Variants in DDX46 observed in about 807,000 individuals in gnomAD.
DDX46 encodes the protein DEAD-box helicase 46.
Under a neutral mutation model 134.9 loss-of-function variants are expected in DDX46, and 30 were observed. The ratio of observed to expected loss-of-function variants is 0.22; its 90% CI spans 0.17 to 0.30. The LOEUF is 0.30. Ranked by LOEUF, DDX46 falls within the 10% of genes least tolerant of loss-of-function variation. DDX46 has a pLI of 1.00. For synonymous variants in DDX46, 415 were observed against 404.1 expected (o/e 1.03, Z -0.32); for missense variants, 622 against 1,248.7 (o/e 0.50, Z 7.56).
Position 134,788,598 on chromosome 5 carries a change from CAG to C in DDX46, c.1543+8_1543+9del, listed in dbSNP as rs766130768. The C allele has an allele frequency of 1.2e-5, 20 of 1,611,342 alleles. No homozygotes were observed. In the East Asian group the frequency reaches 1.3e-4, roughly 11 times the overall value. ...ATGTTAGCCGCTAACAGTGGTAAGTCAGGGGTATTTTTTTGGTGTCTTTTATT... is the reference window on the plus strand; with the variant it reads ...ATGTTAGCCGCTAACAGTGGTAAGTCGGGTATTTTTTTGGTGTCTTTTATT... On this transcript the variant is annotated splice_region_variant and intron_variant, in intron 12 of 22. Coordinates refer to ENST00000452510, the MANE Select transcript of DDX46 (RefSeq NM_001300860.2).
intron 15 of DDX46, among the ~76,000 whole-genome samples, chr5:134,801,197 C>T (rs1327364059): frequency 6.6e-6 from 1 of 151,958 alleles, no homozygotes; most frequent in Non-Finnish European, 1.5e-5. Context: ...ATTGTTTAAG[C>T]CTGGGAGGCG....
chr5:134,766,917 A>G lies in DDX46; in HGVS notation c.207A>G (p.Arg69=), dbSNP rs1355698636. The G allele has an allele frequency of 1.9e-6, 3 of 1,610,406 alleles. No homozygotes were observed. The highest frequency in any genetic ancestry group is 2.2e-5 in the East Asian group (1 of 44,862). The stretch of plus-strand genomic sequence containing the variant: ...TAAATGAAAAGTGTCCCCCTTTCAG[A>G]CGTTCCAGAAGTAGAGAGAGAGACA... ...RSRSRDRKRL[R]RSRSRERDRS... Residue 69 remains arginine, a splice_region_variant and synonymous_variant, in exon 3 of 23, where the codon AGA becomes AGG. Coordinates refer to ENST00000452510, the MANE Select transcript of DDX46 (RefSeq NM_001300860.2).
At chr5:134,773,611 C>T in intron 4 of DDX46, 85 bp from the exon 5 acceptor site, 1 of 1,429,178 alleles carries the variant, frequency 7.0e-7, no homozygotes, top group Non-Finnish European at 9.2e-7. Flanking sequence ...GAAGAACTTA[C>T]TGGAATGTCA....
At chr5:134,816,881 A>G (rs745556914) in intron 19 of DDX46, 1 of 317,918 alleles carries the variant, frequency 3.1e-6, no homozygotes, top group African/African-American at 2.2e-5. Context: ...AATCTTAAAG[A>G]TGTATTAATA....
At position 134,763,931 on chromosome 5, in the gene DDX46, GGGTCGCTCTGGA is replaced by G. The variant is rs1753476018; in HGVS notation, c.46_57del (p.Gly16_Gly19del). 6.2e-7 allele frequency: 1 copy of G among 1,614,018 alleles called. No homozygotes were observed. The highest frequency in any genetic ancestry group is 8.5e-7 in the Non-Finnish European group (1 of 1,180,008). The stretch of plus-strand genomic sequence containing the variant: ...ACTATCGAAAACGATCGGCATCCCG[GGGTCGCTCTGGA>G]AGTCGGTCTAGAAGTCGCTCACCCT... On this transcript the variant is annotated inframe_deletion, in exon 2 of 23. Coordinates refer to ENST00000452510, the MANE Select transcript of DDX46 (RefSeq NM_001300860.2).
intron 4 of DDX46, 72 bp downstream of exon 4, chr5:134,771,071 CTCTT>C (rs35505581): frequency 0.11 from 69,641 of 617,986 alleles, 5,511 homozygotes; most frequent in East Asian, 0.29. Flanking sequence ...CTTTCTTTCC[CTCTT>C]TCTTTCTTTC....
chr5:134,787,340 A>C (rs549329766), intron 11 of DDX46, among the ~76,000 whole-genome samples: 4 of 152,352 alleles, frequency 2.6e-5, no homozygotes, highest in Non-Finnish European at 2.9e-5. Context: ...GTTGGAGTAT[A>C]AAAAGTTAAA....
At chr5:134,763,316 A>G (rs934948987) in intron 1 of DDX46, among the ~76,000 whole-genome samples, 3 of 152,210 alleles carry the variant, frequency 2.0e-5, no homozygotes, top group African/African-American at 4.8e-5. Flanking sequence ...GGTGTAAAAG[A>G]CAGAGTCCTT....
Position 134,828,736 on chromosome 5 carries a change from T to A in DDX46, c.*30T>A, listed in dbSNP as rs1448532276. 7.0e-7 allele frequency: 1 copy of A among 1,434,658 alleles called. No individual in the cohort carries two copies. Among genetic ancestry groups the A allele is most frequent in the Non-Finnish European group, 9.2e-7 (1 of 1,083,308 alleles). The allele number at this position is 1,434,658 out of a possible 1,614,324, so 88.9% of individuals were successfully genotyped here. The stretch of plus-strand genomic sequence containing the variant: ...CCGGAAAAAAGATTTTTACCTGTGC[T>A]GGTCTATGATGTATGTGGCAGTTGC... On this transcript the variant is annotated 3_prime_UTR_variant, in exon 23 of 23. Transcript: ENST00000452510.
At chr5:134,790,365 G>T in intron 12 of DDX46, 105 bp from the exon 13 acceptor site, 1 of 964,676 alleles carries the variant, frequency 1.0e-6, no homozygotes, top group Non-Finnish European at 1.5e-6. Flanking sequence ...GTTAAGTCAG[G>T]CATTTTAGTT....
intron 15 of DDX46, among the ~76,000 whole-genome samples, chr5:134,807,178 T>G (rs969699201): frequency 2.0e-5 from 3 of 148,780 alleles, no homozygotes; most frequent in Admixed American, 1.3e-4. Context: ...CGCCTGGCTT[T>G]TTTTTTTTTT....
chr5:134,814,940 A>T (rs1280637682), intron 18 of DDX46, among the ~76,000 whole-genome samples: 8 of 152,186 alleles, frequency 5.3e-5, no homozygotes, highest in Admixed American at 4.6e-4. Flanking sequence ...TTAATAGGTA[A>T]TAAATGTTTT....
intron 1 of DDX46, among the ~76,000 whole-genome samples, chr5:134,759,357 C>T (rs1353850229): frequency 6.6e-6 from 1 of 152,202 alleles, no homozygotes; most frequent in Non-Finnish European, 1.5e-5. Context: ...CGCGTATGAT[C>T]TTTTCCCAAG....
At chr5:134,798,102 G>T (rs1437657418) in intron 15 of DDX46, among the ~76,000 whole-genome samples, 2 of 151,330 alleles carry the variant, frequency 1.3e-5, no homozygotes, top group Non-Finnish European at 1.5e-5. Context: ...GTGAGCCACC[G>T]TGCCCGGCCC....
intron 15 of DDX46, among the ~76,000 whole-genome samples, chr5:134,800,262 T>C (rs1754787300): frequency 6.6e-6 from 1 of 152,154 alleles, no homozygotes; most frequent in African/African-American, 2.4e-5. Context: ...TTAAGTACTT[T>C]AAACAAATTT....
chr5:134,779,841 G>A (rs1754078068), intron 6 of DDX46, among the ~76,000 whole-genome samples: 1 of 152,162 alleles, frequency 6.6e-6, no homozygotes, highest in African/African-American at 2.4e-5. Flanking sequence ...GCTCATGCCT[G>A]TAATCCCAAC....
intron 1 of DDX46, among the ~76,000 whole-genome samples, chr5:134,760,756 A>T (rs1753352910): frequency 6.6e-6 from 1 of 152,126 alleles, no homozygotes; most frequent in African/African-American, 2.4e-5. Flanking sequence ...TTTGAGACAG[A>T]GTCTCGCTCT....
chr5:134,784,696 C>T, intron 10 of DDX46, 155 bp downstream of exon 10: 1 of 694,630 alleles, frequency 1.4e-6, no homozygotes. Context: ...TTTCCCCTTA[C>T]CAGCAGGTGG....
rs372113261 is a variant in DDX46 at position 134,831,121 on chromosome 5, A to T, written c.*2415A>T. On this transcript the variant is annotated 3_prime_UTR_variant, in exon 23 of 23. Coordinates refer to ENST00000452510, the MANE Select transcript of DDX46 (RefSeq NM_001300860.2). Reference sequence around the variant, plus strand: ...ATAAAATAAAATTAATTCGAATTCAATCTGCACTTTCTTAAAATTATCTTT... The same window carrying T: ...ATAAAATAAAATTAATTCGAATTCATTCTGCACTTTCTTAAAATTATCTTT... 2.6e-5 allele frequency: 4 copies of T among 152,280 alleles called. No individual in the cohort carries two copies. The highest frequency in any genetic ancestry group is 1.3e-4 in the Admixed American group (2 of 15,290). The allele number at this position is 152,280 out of a possible 1,614,324, so 9.4% of individuals were successfully genotyped here. A position where few individuals can be genotyped will look rare whatever the true frequency, so the allele number is the denominator to read the frequency against.
Sources: gnomAD v4.1 joint callset for allele counts (sites outside exome capture counted in the v4.1 genomes callset) on GRCh38, gnomAD v4.1.1 for gene constraint, MANE v1.5 for transcripts, NCBI Gene and HGNC (gene_info 2026-07-23, HGNC 2026-07-21) for gene names.